GALK2: variants seen among roughly 807,000 people sequenced by gnomAD.
GALK2 encodes galactokinase 2.
A neutral mutation model predicts 52.4 loss-of-function variants in GALK2; 36 were observed. The observed-to-expected ratio is 0.69, with a 90% CI of 0.53 to 0.91. The LOEUF (loss-of-function observed/expected upper bound fraction) is 0.91. GALK2 is among the 40% of genes least tolerant of loss of function. The pLI, the probability that GALK2 is intolerant of heterozygous loss-of-function variation, is 0.00. For missense variants in GALK2, 579 were observed against 559.1 expected (o/e 1.04, Z -0.36); for synonymous variants, 176 against 199.1 (o/e 0.88, Z 0.98).
At chr15:49,285,892 G>C (rs149528676) in intron 7 of GALK2, among the ~76,000 whole-genome samples, 18 of 152,170 alleles carry the variant, frequency 1.2e-4, no homozygotes, top group Non-Finnish European at 2.6e-4. Flanking sequence ...TCCATATCAC[G>C]ACCTGGAGAG....
chr15:49,290,390 C>T (rs1411161540), intron 7 of GALK2, among the ~76,000 whole-genome samples: 1 of 152,192 alleles, frequency 6.6e-6, no homozygotes, highest in East Asian at 1.9e-4. Context: ...GCTGAGGGCT[C>T]ACTGGACAAC....
chr15:49,159,012 A>T (rs2084551388), intron 1 of GALK2: 1 of 152,114 alleles, frequency 6.6e-6, no homozygotes, highest in South Asian at 2.1e-4. Context: ...TTTTTTTTGT[A>T]GAGACAGGGG....
At chr15:49,166,887 G>A (rs1345145119), upstream of GALK2, among the ~76,000 whole-genome samples, 1 of 152,184 alleles carries the variant, frequency 6.6e-6, no homozygotes, top group African/African-American at 2.4e-5. Context: ...TCCAGAGGTT[G>A]CACAAACAGA....
chr15:49,207,233 G>T (rs1252338736), intron 2 of GALK2, among the ~76,000 whole-genome samples: 11 of 152,160 alleles, frequency 7.2e-5, no homozygotes, highest in Non-Finnish European at 1.5e-5. Flanking sequence ...GTTGGATTTG[G>T]TTAGCTGGGA....
At chr15:49,269,357 G>A in intron 5 of GALK2, among the ~76,000 whole-genome samples, 1 of 152,118 alleles carries the variant, frequency 6.6e-6, no homozygotes, top group African/African-American at 2.4e-5. Flanking sequence ...GGAGGGTGAA[G>A]GTGAGCTCTT....
chr15:49,330,317 CAG>C lies in GALK2; in HGVS notation c.*2159_*2160del, dbSNP rs1862717761. On this transcript the variant is annotated 3_prime_UTR_variant, in exon 10 of 10. Coordinates refer to ENST00000560031, the MANE Select transcript of GALK2 (RefSeq NM_002044.4). Reference sequence around the variant, plus strand: ...AGTCAAATCCAGGCAGCATTTAGATCAGGGGTTATAGCCCAGCAGCCCATGGG... The same window carrying C: ...AGTCAAATCCAGGCAGCATTTAGATCGGGTTATAGCCCAGCAGCCCATGGG... The C allele has an allele frequency of 6.6e-6, 1 of 152,158 alleles. No homozygotes were observed. Among genetic ancestry groups the C allele is most frequent in the Admixed American group, 6.5e-5 (1 of 15,270 alleles). The allele number at this position is 152,158 out of a possible 1,614,324, so 9.4% of individuals were successfully genotyped here.
At chr15:49,234,201 CTATT>C (rs1461719123) in intron 3 of GALK2, among the ~76,000 whole-genome samples, 2 of 152,016 alleles carry the variant, frequency 1.3e-5, no homozygotes, top group East Asian at 3.9e-4. Context: ...TTTTAGGAGC[CTATT>C]TATTTATCTG....
chr15:49,291,003 C>G (rs143561275), intron 7 of GALK2, among the ~76,000 whole-genome samples: 1 of 151,880 alleles, frequency 6.6e-6, no homozygotes, highest in Non-Finnish European at 1.5e-5. Flanking sequence ...TCACCCAGGC[C>G]GGAGCACAGT....
Position 49,328,649 on chromosome 15 carries a change from TTCTC to T in GALK2, c.*495_*498del, listed in dbSNP as rs762888521. 19 of 1,572,852 alleles carry T rather than the reference TTCTC, an allele frequency of 1.2e-5. No individual in the cohort carries two copies. Among genetic ancestry groups the T allele is most frequent in the East Asian group, 9.2e-5 (4 of 43,708 alleles). On this transcript the variant is annotated 3_prime_UTR_variant, in exon 10 of 10. Coordinates refer to ENST00000560031, the MANE Select transcript of GALK2 (RefSeq NM_002044.4). ...ATGATGACGATAGTGATGCCACACA[TTCTC>T]TCTCAATTTCAGCTTCGGAACGCTA...
chr15:49,189,351 C>G (rs2086569112), intron 1 of GALK2, among the ~76,000 whole-genome samples: 2 of 152,020 alleles, frequency 1.3e-5, no homozygotes, highest in East Asian at 3.9e-4. Context: ...AATTACAGAC[C>G]TGAAGTGTTA....
chr15:49,361,155 AC>A (rs1384277291), intron 3 of GALK2, among the ~76,000 whole-genome samples: 1 of 152,200 alleles, frequency 6.6e-6, no homozygotes, highest in Non-Finnish European at 1.5e-5. Context: ...TCATAACATC[AC>A]TTTTTACCCC....
chr15:49,256,212 G>T (rs2091809060), intron 5 of GALK2, among the ~76,000 whole-genome samples: 1 of 152,154 alleles, frequency 6.6e-6, no homozygotes, highest in Non-Finnish European at 1.5e-5. Flanking sequence ...AGGGGTTTAT[G>T]CTACACAGGC....
chr15:49,355,007 C>T (rs1211113223), intron 3 of GALK2, among the ~76,000 whole-genome samples: 1 of 151,530 alleles, frequency 6.6e-6, no homozygotes, highest in African/African-American at 2.4e-5. Context: ...CAGGGTACTC[C>T]AACAGACCTG....
intron 1 of GALK2, among the ~76,000 whole-genome samples, chr15:49,186,705 A>C (rs981823130): frequency 2.0e-5 from 3 of 151,648 alleles, no homozygotes; most frequent in African/African-American, 7.3e-5. Context: ...CACCCAGCTA[A>C]TTTTTGTATT....
chr15:49,299,163 A>T (rs2034743344), intron 8 of GALK2, among the ~76,000 whole-genome samples: 1 of 151,988 alleles, frequency 6.6e-6, no homozygotes, highest in Non-Finnish European at 1.5e-5. Context: ...TAGGTTTTCT[A>T]GTTTGAGTGC....
At chr15:49,225,481 T>C (rs1277827494) in intron 3 of GALK2, 1 of 276,588 alleles carries the variant, frequency 3.6e-6, no homozygotes, top group Admixed American at 4.7e-5. Flanking sequence ...GGTTGCATGC[T>C]CCTTATGATA....
rs948096400 is a variant in GALK2 at position 49,258,798 on chromosome 15, G to A, written c.504+19431G>A. 1.9e-3 allele frequency among the ~76,000 whole-genome samples: 162 copies of A among 85,546 alleles called. 1 individual carries two copies. Among genetic ancestry groups the A allele is most frequent in the African/African-American group, 8.2e-3 (127 of 15,550 alleles). The allele number at this position is 85,546 out of a possible 152,430, so 56.1% of individuals were successfully genotyped here. Reference sequence around the variant, plus strand: ...GAAGCATATATATATATATATATGTGTGTGTGTGTGTGTGTGTGTGTGTGT... The same window carrying A: ...GAAGCATATATATATATATATATGTATGTGTGTGTGTGTGTGTGTGTGTGT... On this transcript the variant is annotated intron_variant, in intron 5 of 9. Transcript: ENST00000560031.
At position 49,239,368 on chromosome 15, in the gene GALK2, G is replaced by A; in HGVS notation, c.504+1G>A. ...AGTGCTGGGAAGGAATCTATCCAAG[G>A]TAACTACCTTTGATAGGAAACCTCA... On this transcript the variant is annotated splice_donor_variant, in intron 5 of 9. Coordinates refer to ENST00000560031, the MANE Select transcript of GALK2 (RefSeq NM_002044.4). LOFTEE classifies it high-confidence loss of function. The A allele has an allele frequency of 1.2e-6, 2 of 1,613,392 alleles. No homozygotes were observed. Among genetic ancestry groups the A allele is most frequent in the Non-Finnish European group, 1.7e-6 (2 of 1,179,644 alleles).
intron 5 of GALK2, among the ~76,000 whole-genome samples, chr15:49,241,896 C>A (rs1230538170): frequency 2.6e-5 from 4 of 152,068 alleles, no homozygotes; most frequent in African/African-American, 9.7e-5. Flanking sequence ...ATTTTTTTAT[C>A]GGAACTATCT....
Sources: gnomAD v4.1 joint callset for allele counts (sites outside exome capture counted in the v4.1 genomes callset) on GRCh38, gnomAD v4.1.1 for gene constraint, MANE v1.5 for transcripts, NCBI Gene and HGNC (gene_info 2026-07-23, HGNC 2026-07-21) for gene names.